The following ASCC3 variants were observed in gnomAD, a reference collection of about 807,000 sequenced individuals.
ASCC3 encodes the protein activating signal cointegrator 1 complex subunit 3.
ASCC3 carries 158 observed loss-of-function variants against 256.3 expected under a neutral mutation model. The ratio of observed to expected loss-of-function variants is 0.62; its 90% confidence interval spans 0.54 to 0.70. The LOEUF is 0.70. Among genes scored for constraint, ASCC3 ranks in the 30% least tolerant of loss-of-function variants. The probability of loss-of-function intolerance (pLI) is 0.00; values close to 1 mark genes in which losing one functional copy is unlikely to be tolerated. For synonymous variants in ASCC3, 948 were observed against 883.4 expected (o/e 1.07, Z -1.30); for missense variants, 2,259 against 2,626.0 (o/e 0.86, Z 3.05).
At chr6:100,524,311 G>C (rs1004315980) in intron 37 of ASCC3, among the ~76,000 whole-genome samples, 1 of 150,736 alleles carries the variant, frequency 6.6e-6, no homozygotes, top group African/African-American at 2.4e-5. Context: ...TGTCTCTGTG[G>C]GTAAATTTTA....
intron 36 of ASCC3, among the ~76,000 whole-genome samples, chr6:100,547,976 G>T (rs1016741927): frequency 1.1e-4 from 16 of 151,382 alleles, no homozygotes; most frequent in Admixed American, 6.6e-5. Context: ...AGGAATTAAT[G>T]ATTGATGTTT....
rs144546295 is a variant in ASCC3 at position 100,782,151 on chromosome 6, A to G, written c.1396-14806T>C. Among the ~76,000 whole-genome samples the G allele has an allele frequency of 2.0e-4, 30 of 152,288 alleles. 1 individual carries two copies. Among genetic ancestry groups the G allele is most frequent in the African/African-American group, 7.0e-4 (29 of 41,578 alleles). On this transcript the variant is annotated intron_variant, in intron 8 of 41. Coordinates refer to ENST00000369162, the MANE Select transcript of ASCC3 (RefSeq NM_006828.4). ...AACTAGGGTTCCTCCTCTACTATAC[A>G]TAACAGAGTTGGTCAACTAAACTCT...
chr6:100,651,367 G>C (rs1184721041), intron 19 of ASCC3, among the ~76,000 whole-genome samples, 193 bp downstream of exon 19: 1 of 151,876 alleles, frequency 6.6e-6, no homozygotes, highest in African/African-American at 2.4e-5. Flanking sequence ...GTGGAGTACA[G>C]AGAAAAGAAT....
chr6:100,601,386 C>T (rs1772601363), intron 34 of ASCC3, among the ~76,000 whole-genome samples: 1 of 151,956 alleles, frequency 6.6e-6, no homozygotes, highest in Non-Finnish European at 1.5e-5. Context: ...TTCTACCACA[C>T]CTCAATTTTA....
At chr6:100,813,237 C>T (rs1471468706) in intron 4 of ASCC3, among the ~76,000 whole-genome samples, 2 of 152,070 alleles carry the variant, frequency 1.3e-5, no homozygotes, top group African/African-American at 2.4e-5. Context: ...GGGAGGACTA[C>T]CTGAGTTCAG....
intron 1 of ASCC3, among the ~76,000 whole-genome samples, chr6:100,874,709 A>G (rs1322694224): frequency 6.6e-6 from 1 of 152,140 alleles, no homozygotes; most frequent in African/African-American, 2.4e-5. Context: ...ATGAGCTTAC[A>G]GTATGGTTGG....
At chr6:100,648,856 T>C (rs1222752340) in intron 20 of ASCC3, among the ~76,000 whole-genome samples, 2 of 151,914 alleles carry the variant, frequency 1.3e-5, no homozygotes, top group Non-Finnish European at 2.9e-5. Flanking sequence ...CAGGACATGT[T>C]AATCTAGAAT....
At chr6:100,768,526 C>T (rs62420630) in intron 8 of ASCC3, among the ~76,000 whole-genome samples, 8 of 152,022 alleles carry the variant, frequency 5.3e-5, no homozygotes, top group East Asian at 3.9e-4. Flanking sequence ...TTAATCAACA[C>T]GATATAATAG....
At chr6:100,792,156 G>A (rs1489623099) in intron 8 of ASCC3, among the ~76,000 whole-genome samples, 1 of 151,842 alleles carries the variant, frequency 6.6e-6, no homozygotes, top group African/African-American at 2.4e-5. Flanking sequence ...ATACAGTACT[G>A]TACTTATCAG....
intron 36 of ASCC3, among the ~76,000 whole-genome samples, chr6:100,555,662 T>C (rs1259976595): frequency 1.3e-5 from 2 of 152,212 alleles, no homozygotes; most frequent in Non-Finnish European, 2.9e-5. Flanking sequence ...AAATTCCTGT[T>C]TTAAAGGCTA....
chr6:100,713,895 C>G (rs1280865168), intron 13 of ASCC3, among the ~76,000 whole-genome samples: 3 of 152,090 alleles, frequency 2.0e-5, no homozygotes, highest in Non-Finnish European at 4.4e-5. Context: ...CATCTAGCTA[C>G]TTACACTGAA....
intron 8 of ASCC3, among the ~76,000 whole-genome samples, chr6:100,772,038 C>T (rs1187100815): frequency 2.0e-5 from 3 of 151,938 alleles, no homozygotes; most frequent in Non-Finnish European, 4.4e-5. Context: ...AGCCACCAGG[C>T]ATGGCTAATT....
intron 5 of ASCC3, among the ~76,000 whole-genome samples, chr6:100,803,232 C>T (rs942867809): frequency 3.9e-5 from 6 of 151,914 alleles, no homozygotes; most frequent in Non-Finnish European, 7.4e-5. Context: ...GCTTTATGTC[C>T]CCATACAAAT....
intron 10 of ASCC3, among the ~76,000 whole-genome samples, chr6:100,737,045 G>A (rs991729546): frequency 4.6e-5 from 7 of 151,840 alleles, no homozygotes; most frequent in Admixed American, 2.0e-4. Flanking sequence ...TACTCGGAAA[G>A]TTGAGGCAGG....
At chr6:100,643,911 C>A in intron 23 of ASCC3, 120 bp downstream of exon 23, 1 of 686,126 alleles carries the variant, frequency 1.5e-6, no homozygotes, top group Non-Finnish European at 2.4e-6. Context: ...TAATAGGAAA[C>A]TAAAACATAA....
At chr6:100,799,750 C>T (rs1277593758) in intron 6 of ASCC3, among the ~76,000 whole-genome samples, 178 bp from the exon 7 acceptor site, 2 of 151,978 alleles carry the variant, frequency 1.3e-5, no homozygotes, top group Non-Finnish European at 2.9e-5. Flanking sequence ...AAATAGGATT[C>T]AGTACATTTT....
chr6:100,683,448 A>T (rs182784966), intron 13 of ASCC3, among the ~76,000 whole-genome samples: 1 of 152,254 alleles, frequency 6.6e-6, no homozygotes, highest in African/African-American at 2.4e-5. Context: ...GGAATCCATC[A>T]TGTCGTGTTA....
chr6:100,696,429 T>G (rs1256926901), intron 13 of ASCC3, among the ~76,000 whole-genome samples: 1 of 152,112 alleles, frequency 6.6e-6, no homozygotes, highest in African/African-American at 2.4e-5. Context: ...CTGTTCAATT[T>G]TATCAAATGA....
At chr6:100,646,198 T>C (rs554235119) in intron 22 of ASCC3, among the ~76,000 whole-genome samples, 4 of 152,288 alleles carry the variant, frequency 2.6e-5, no homozygotes, top group African/African-American at 7.2e-5. Context: ...TTGTTCATTG[T>C]TGAAATTTAG....
Sources: allele counts gnomAD v4.1 joint callset (sites outside exome capture counted in the v4.1 genomes callset), GRCh38; gene constraint gnomAD v4.1.1; transcripts MANE v1.5; gene names NCBI Gene and HGNC (gene_info 2026-07-23, HGNC 2026-07-21).